CDH12: variants seen among roughly 807,000 people sequenced by gnomAD.
The protein encoded by CDH12 is cadherin 12, also known as cadherin-12.
In CDH12, 41 loss-of-function variants were observed where a neutral mutation model predicts 74.1. That is an observed-to-expected ratio of 0.55 (90% CI 0.43 to 0.72). CDH12 has a LOEUF of 0.72. CDH12 is among the 30% of genes least tolerant of loss of function. The pLI, the probability that CDH12 is intolerant of heterozygous loss-of-function variation, is 0.00. For missense variants in CDH12, 945 were observed against 977.2 expected, an observed-to-expected ratio of 0.97 and a Z score of 0.44; for synonymous variants, 399 against 355.0, an observed-to-expected ratio of 1.12 and a Z score of -1.39.
At chr5:22,498,156 C>G (rs1747182926) in intron 2 of CDH12, among the ~76,000 whole-genome samples, 1 of 152,124 alleles carries the variant, frequency 6.6e-6, no homozygotes. Context: ...ATTCTTGAAA[C>G]ATATTTTCAG....
At chr5:21,843,676 G>C (rs921525843) in intron 7 of CDH12, among the ~76,000 whole-genome samples, 3 of 151,940 alleles carry the variant, frequency 2.0e-5, no homozygotes, top group Non-Finnish European at 2.9e-5. Context: ...CACCATGCCT[G>C]GCTTATTTTG....
chr5:22,726,462 C>G (rs566354045), intron 1 of CDH12, among the ~76,000 whole-genome samples: 8 of 151,682 alleles, frequency 5.3e-5, no homozygotes, highest in African/African-American at 1.9e-4. Flanking sequence ...TATTGATTAC[C>G]TAGGTAAATT....
chr5:22,398,055 A>C (rs1002722848), intron 3 of CDH12, among the ~76,000 whole-genome samples: 1 of 152,142 alleles, frequency 6.6e-6, no homozygotes, highest in Admixed American at 6.6e-5. Context: ...TTTATAAGAA[A>C]GAGAGTAACT....
At chr5:22,414,960 C>T (rs1447594930) in intron 2 of CDH12, among the ~76,000 whole-genome samples, 4 of 152,074 alleles carry the variant, frequency 2.6e-5, no homozygotes, top group African/African-American at 7.2e-5. Flanking sequence ...AAATATATCC[C>T]TTTAGTAGAC....
intron 3 of CDH12, among the ~76,000 whole-genome samples, chr5:22,219,856 G>C (rs1054187376): frequency 2.0e-5 from 3 of 151,652 alleles, no homozygotes; most frequent in African/African-American, 7.3e-5. Flanking sequence ...GGAGTAGTAA[G>C]ATTAAATGAG....
At chr5:22,445,955 T>G (rs1744799540) in intron 2 of CDH12, among the ~76,000 whole-genome samples, 1 of 152,162 alleles carries the variant, frequency 6.6e-6, no homozygotes, top group African/African-American at 2.4e-5. Flanking sequence ...ATGGTACACT[T>G]CTAGCATCTT....
intron 3 of CDH12, among the ~76,000 whole-genome samples, chr5:22,387,506 G>T (rs1742049530): frequency 6.6e-6 from 1 of 152,006 alleles, no homozygotes; most frequent in Non-Finnish European, 1.5e-5. Context: ...GGTCACTAAG[G>T]TTCCTTAATG....
At chr5:22,147,807 A>G (rs1177727406) in intron 4 of CDH12, among the ~76,000 whole-genome samples, 5 of 152,104 alleles carry the variant, frequency 3.3e-5, no homozygotes, top group Non-Finnish European at 7.4e-5. Flanking sequence ...CCATAATTCA[A>G]TTATCTCCCA....
intron 3 of CDH12, among the ~76,000 whole-genome samples, chr5:22,248,029 G>C (rs1289466961): frequency 6.6e-6 from 1 of 152,202 alleles, no homozygotes; most frequent in African/African-American, 2.4e-5. Flanking sequence ...AGGTACAGTG[G>C]CTCACGCCTG....
At chr5:22,731,478 AG>A (rs1744429156) in intron 1 of CDH12, among the ~76,000 whole-genome samples, 1 of 151,880 alleles carries the variant, frequency 6.6e-6, no homozygotes, top group African/African-American at 2.4e-5. Context: ...ACTTAATGAA[AG>A]TTAAAATGTG....
At chr5:22,160,190 TCA>T (rs1230124465) in intron 4 of CDH12, among the ~76,000 whole-genome samples, 1 of 152,180 alleles carries the variant, frequency 6.6e-6, no homozygotes, top group Non-Finnish European at 1.5e-5. Context: ...GAAAATAGAT[TCA>T]GTCTGGCAGA....
In CDH12 at chr5:22,745,277, T is replaced by C. The variant is rs908342906; in HGVS notation, c.-523+107781A>G. Among the ~76,000 whole-genome samples, 3 of 118,490 alleles carry C rather than the reference T, an allele frequency of 2.5e-5. No homozygotes were observed. The Admixed American group carries it at 2.7e-4, about 11-fold the overall frequency. The allele number at this position is 118,490 out of a possible 152,430, so 77.7% of individuals were successfully genotyped here. ...CTAACAAATAAGCATTCCATTGAGATTTTTTTTTAATTAAATTGCATTAAA... is the reference window on the plus strand; with the variant it reads ...CTAACAAATAAGCATTCCATTGAGACTTTTTTTTAATTAAATTGCATTAAA... On this transcript the variant is annotated intron_variant, in intron 1 of 14. Coordinates refer to ENST00000382254, the MANE Select transcript of CDH12 (RefSeq NM_004061.5).
chr5:22,235,483 A>T (rs1402116992), intron 3 of CDH12, among the ~76,000 whole-genome samples: 1 of 151,962 alleles, frequency 6.6e-6, no homozygotes, highest in African/African-American at 2.4e-5. Context: ...CGGGAGGCTG[A>T]GCAGGAAGAA....
At chr5:22,203,492 C>T in intron 4 of CDH12, among the ~76,000 whole-genome samples, 1 of 152,168 alleles carries the variant, frequency 6.6e-6, no homozygotes, top group Admixed American at 6.5e-5. Flanking sequence ...GTCCACTCAT[C>T]TGCTGATGGA....
At chr5:22,242,803 G>A (rs1752797009) in intron 3 of CDH12, among the ~76,000 whole-genome samples, 1 of 152,058 alleles carries the variant, frequency 6.6e-6, no homozygotes, top group Admixed American at 6.5e-5. Context: ...CCACATCCAA[G>A]CAATACTCCT....
At chr5:22,727,895 A>G (rs1744241481) in intron 1 of CDH12, among the ~76,000 whole-genome samples, 1 of 151,624 alleles carries the variant, frequency 6.6e-6, no homozygotes, top group African/African-American at 2.4e-5. Context: ...GCATTCTGAC[A>G]CTGCTGTGTT....
At chr5:21,899,309 AG>A (rs552977599) in intron 6 of CDH12, among the ~76,000 whole-genome samples, 329 of 152,306 alleles carry the variant, frequency 2.2e-3, no homozygotes, top group Non-Finnish European at 3.5e-3. Context: ...CTTGAAGGCA[AG>A]GGCAGTCTGA....
At chr5:22,284,099 TA>T in intron 3 of CDH12, among the ~76,000 whole-genome samples, 1 of 152,260 alleles carries the variant, frequency 6.6e-6, no homozygotes, top group Non-Finnish European at 1.5e-5. Flanking sequence ...ATTTTTCAAA[TA>T]AAAACCTCGA....
chr5:22,263,277 C>A (rs923353007), intron 3 of CDH12, among the ~76,000 whole-genome samples: 2 of 151,912 alleles, frequency 1.3e-5, no homozygotes, highest in Non-Finnish European at 2.9e-5. Context: ...TCATTCAGAG[C>A]CTGTAAGGCA....
Sources: gnomAD v4.1 joint callset for allele counts (sites outside exome capture counted in the v4.1 genomes callset) on GRCh38, gnomAD v4.1.1 for gene constraint, MANE v1.5 for transcripts, NCBI Gene and HGNC (gene_info 2026-07-23, HGNC 2026-07-21) for gene names.